The following PHACTR2 variants were observed in gnomAD, a reference collection of about 807,000 sequenced individuals.
PHACTR2 encodes the protein phosphatase and actin regulator 2.
A neutral mutation model predicts 76.0 loss-of-function variants in PHACTR2; 30 were observed. The observed-to-expected ratio is 0.39, with a 90% CI of 0.30 to 0.54. The LOEUF (loss-of-function observed/expected upper bound fraction) is 0.54. Among genes scored for constraint, PHACTR2 ranks in the 20% least tolerant of loss-of-function variants. The pLI is 0.61. For missense variants in PHACTR2, 696 were observed against 781.1 expected (o/e 0.89, Z 1.30); for synonymous variants, 292 against 292.5 (o/e 1.00, Z 0.02).
Position 143,753,791 on chromosome 6 carries a change from G to A in PHACTR2, c.333G>A (p.Gly111=), listed in dbSNP as rs747685580. The change falls in exon 4 of 13, where the codon GGG becomes GGA. Residue 111 remains glycine, a synonymous_variant. Coordinates refer to ENST00000440869, the MANE Select transcript of PHACTR2 (RefSeq NM_001100164.2). This position sits in a 1 kb window ranked among gnomAD's most constrained non-coding sequence, Gnocchi z 4.6. ...DVTVNFENSN[G]HMIPIGEEST... ...CAGTTAACTTTGAAAATTCAAACGGGCACATGATACCCATCGGAGAGGAAT... is the reference window on the plus strand; with the variant it reads ...CAGTTAACTTTGAAAATTCAAACGGACACATGATACCCATCGGAGAGGAAT... The A allele has an allele frequency of 1.9e-6, 3 of 1,605,880 alleles. No individual in the cohort carries two copies. The Admixed American group carries it at 5.2e-5, about 28-fold the overall frequency.
rs1775743812 is a variant in PHACTR2 at position 143,595,792 on chromosome 6, A to G, written c.217+58585A>G. Among the ~76,000 whole-genome samples the G allele has an allele frequency of 6.6e-6, 1 of 152,240 alleles. No homozygotes were observed. Among genetic ancestry groups the G allele is most frequent in the Non-Finnish European group, 1.5e-5 (1 of 68,046 alleles). Reference sequence around the variant, plus strand: ...ATAAAGAATGTTACCAGAATGTTCTACTTAATTTAGCTTTCCAAAGATAAA... The same window carrying G: ...ATAAAGAATGTTACCAGAATGTTCTGCTTAATTTAGCTTTCCAAAGATAAA... On this transcript the variant is annotated intron_variant, in intron 1 of 11. Coordinates refer to the PHACTR2 transcript ENST00000367584. This position sits in a 1 kb window ranked among gnomAD's most constrained non-coding sequence, Gnocchi z 4.2.
chr6:143,609,345 ACT>A (rs1775940379), intron 1 of PHACTR2, among the ~76,000 whole-genome samples: 1 of 152,204 alleles, frequency 6.6e-6, no homozygotes, highest in African/African-American at 2.4e-5. Context: ...CAGGAACAAA[ACT>A]CTGTGACTAA....
rs1775964838 is a variant in PHACTR2, at chr6:143,610,941, A to C, written c.13+2619A>C. Among the ~76,000 whole-genome samples the C allele has an allele frequency of 6.6e-6, 1 of 152,152 alleles. No homozygotes were observed. The highest frequency in any genetic ancestry group is 1.5e-5 in the Non-Finnish European group (1 of 68,020). ...GGCTATTTCTTCTTAGAAGTTATAT[A>C]ACAAGTCAAATAGATGGTGCTTTAG... On this transcript the variant is annotated intron_variant, in intron 1 of 11. Coordinates refer to the PHACTR2 transcript ENST00000305766. The surrounding 1 kb of genome is among the most constrained non-coding windows in gnomAD (Gnocchi z 4.9).
At chr6:143,686,068 G>T (rs1372741415) in intron 1 of PHACTR2, among the ~76,000 whole-genome samples, 2 of 150,532 alleles carry the variant, frequency 1.3e-5, no homozygotes, top group Admixed American at 6.6e-5. Context: ...GGAGGCGAAG[G>T]TTGTAGTGAG....
intron 12 of PHACTR2, among the ~76,000 whole-genome samples, chr6:143,808,864 C>A (rs1776117955): frequency 6.6e-6 from 1 of 152,094 alleles, no homozygotes; most frequent in East Asian, 1.9e-4. Context: ...CATTTTTGTC[C>A]CCCTCTTTTC....
At chr6:143,545,093 G>A (rs1774960976) in intron 1 of PHACTR2, among the ~76,000 whole-genome samples, 1 of 152,058 alleles carries the variant, frequency 6.6e-6, no homozygotes, top group Non-Finnish European at 1.5e-5. Context: ...ACAGGCATGT[G>A]CCATCATGCC....
rs1360376967 is a variant in PHACTR2 at position 143,652,059 on chromosome 6, G to A, written c.13+43737G>A. Among the ~76,000 whole-genome samples the A allele has an allele frequency of 4.1e-5, 5 of 120,498 alleles. No individual in the cohort carries two copies. The highest frequency in any genetic ancestry group is 1.7e-4 in the African/African-American group (5 of 30,264). The allele number at this position is 120,498 out of a possible 152,430, so 79.1% of individuals were successfully genotyped here. ...CAGCCTGAGAAATTAAAGTTCTGTT[G>A]TTTAAGCAAAAAAAAAAAAAAAGGC... On this transcript the variant is annotated intron_variant, in intron 1 of 11. Transcript: ENST00000305766. The surrounding 1 kb of genome is among the most constrained non-coding windows in gnomAD (Gnocchi z 4.5).
rs1045206193 is a variant in PHACTR2 at position 143,801,504 on chromosome 6, G to A, written c.1846-5553G>A. Among the ~76,000 whole-genome samples, 2 of 152,142 alleles carry A rather than the reference G, an allele frequency of 1.3e-5. No homozygotes were observed. Among genetic ancestry groups the A allele is most frequent in the African/African-American group, 2.4e-5 (1 of 41,428 alleles). ...TTGATCGAAGTGGCTATTGAGGCTT[G>A]TGTATGCTTCACGGAGTTCTCGTAC... On this transcript the variant is annotated intron_variant, in intron 11 of 12. Coordinates refer to ENST00000440869, the MANE Select transcript of PHACTR2 (RefSeq NM_001100164.2). This position sits in a 1 kb window ranked among gnomAD's most constrained non-coding sequence, Gnocchi z 4.6.
In PHACTR2 at chr6:143,733,755, A is replaced by T. The variant is rs912465989; in HGVS notation, c.215-15230A>T. 7.5e-5 allele frequency among the ~76,000 whole-genome samples: 10 copies of T among 133,998 alleles called. No individual in the cohort carries two copies. Among genetic ancestry groups the T allele is most frequent in the African/African-American group, 3.7e-4 (9 of 24,480 alleles). The allele number at this position is 133,998 out of a possible 152,430, so 87.9% of individuals were successfully genotyped here. A position where few individuals can be genotyped will look rare whatever the true frequency, so the allele number is the denominator to read the frequency against. On this transcript the variant is annotated intron_variant, in intron 2 of 12. Transcript: ENST00000440869. This position sits in a 1 kb window ranked among gnomAD's most constrained non-coding sequence, Gnocchi z 4.0. ...AGGTCAATGTGGGAACATCTTTCTC[A>T]GAAAGGAAGTGTGGTGGGGGTTGTA... is the stretch of plus-strand genomic sequence containing the variant.
At chr6:143,717,419 G>C (rs984657520) in intron 2 of PHACTR2, among the ~76,000 whole-genome samples, 1 of 151,984 alleles carries the variant, frequency 6.6e-6, no homozygotes, top group African/African-American at 2.4e-5. Flanking sequence ...AGTATTTAAG[G>C]GCAGAGACTA....
rs1212046184 is a variant in PHACTR2 at position 143,547,935 on chromosome 6, C to T, written c.217+10728C>T. Among the ~76,000 whole-genome samples the T allele has an allele frequency of 6.6e-6, 1 of 152,170 alleles. No homozygotes were observed. ...TCTATCTATCCATCTATCCATTCAT[C>T]ATCCATCATCTATTAATCTATCTAT... is the stretch of plus-strand genomic sequence containing the variant. On this transcript the variant is annotated intron_variant, in intron 1 of 11. Transcript: ENST00000367584. The surrounding 1 kb of genome is among the most constrained non-coding windows in gnomAD (Gnocchi z 4.2).
At chr6:143,661,049 C>T (rs577115411) in intron 1 of PHACTR2, among the ~76,000 whole-genome samples, 4 of 152,238 alleles carry the variant, frequency 2.6e-5, no homozygotes, top group East Asian at 1.9e-4. Context: ...TATCAGTTTT[C>T]AGATACTAGC....
intron 1 of PHACTR2, among the ~76,000 whole-genome samples, chr6:143,565,312 C>T (rs945835029): frequency 1.3e-5 from 2 of 152,136 alleles, no homozygotes; most frequent in Non-Finnish European, 2.9e-5. Flanking sequence ...AAAAGTACAG[C>T]AGCAAGGGAA....
intron 7 of PHACTR2, among the ~76,000 whole-genome samples, chr6:143,773,800 C>T (rs186358764): frequency 7.9e-4 from 121 of 152,330 alleles, no homozygotes; most frequent in African/African-American, 2.4e-3. Flanking sequence ...ACTTTCCAAA[C>T]GATGAAGTGA....
intron 1 of PHACTR2, among the ~76,000 whole-genome samples, chr6:143,560,882 G>GGGGTGTGTGT (rs1467042988): frequency 9.0e-5 from 12 of 133,094 alleles, no homozygotes; most frequent in African/African-American, 3.5e-4. Context: ...AAAGCAGAGG[G>GGGGTGTGTGT]GTGTGTGTGT....
intron 1 of PHACTR2, among the ~76,000 whole-genome samples, chr6:143,560,957 A>G (rs1775263169): frequency 6.9e-6 from 1 of 145,254 alleles, no homozygotes; most frequent in Non-Finnish European, 1.5e-5. Flanking sequence ...GGGTAATGTC[A>G]AGAGTTGACA....
rs546210967 is a variant in PHACTR2 at position 143,625,894 on chromosome 6, T to C, written c.13+17572T>C. Among the ~76,000 whole-genome samples, 55 of 151,890 alleles carry C rather than the reference T, an allele frequency of 3.6e-4. No homozygotes were observed. Among genetic ancestry groups the C allele is most frequent in the African/African-American group, 1.3e-3 (54 of 41,376 alleles). ...AACCATGAAGAAAGGTAAAGCAGAG[T>C]GGTGGGGCAGGGACAACTGAAGAGC... is the stretch of plus-strand genomic sequence containing the variant. On this transcript the variant is annotated intron_variant, in intron 1 of 11. Transcript: ENST00000305766. This position sits in a 1 kb window ranked among gnomAD's most constrained non-coding sequence, Gnocchi z 4.3.
At position 143,537,452 on chromosome 6, in the gene PHACTR2, G is replaced by T. The variant is rs1315472278; in HGVS notation, c.217+245G>T. Among the ~76,000 whole-genome samples the T allele has an allele frequency of 6.6e-6, 1 of 152,186 alleles. No individual in the cohort carries two copies. The highest frequency in any genetic ancestry group is 1.5e-5 in the Non-Finnish European group (1 of 68,018). Reference sequence around the variant, plus strand: ...GACGGCTTGGTGCGCCTTGCGGGGCGAGTGTGCAGCCTGGGTTGGGGTAGG... The same window carrying T: ...GACGGCTTGGTGCGCCTTGCGGGGCTAGTGTGCAGCCTGGGTTGGGGTAGG... On this transcript the variant is annotated intron_variant, in intron 1 of 11. Transcript: ENST00000367584. This position sits in a 1 kb window ranked among gnomAD's most constrained non-coding sequence, Gnocchi z 4.4.
At position 143,820,355 on chromosome 6, in the gene PHACTR2, A is replaced by AAG. The variant is rs565808708; in HGVS notation, c.1923-3319_1923-3318insAG. Among the ~76,000 whole-genome samples the AAG allele has an allele frequency of 5.8e-4, 89 of 152,360 alleles. No homozygotes were observed. Among genetic ancestry groups the AAG allele is most frequent in the South Asian group, 3.3e-3 (16 of 4,830 alleles). On this transcript the variant is annotated intron_variant, in intron 12 of 12. Coordinates refer to ENST00000440869, the MANE Select transcript of PHACTR2 (RefSeq NM_001100164.2). This position sits in a 1 kb window ranked among gnomAD's most constrained non-coding sequence, Gnocchi z 4.2. ...ATCTGAAAAAAGGCAAATCCTTTCCACCTATGATCCTGTAAAATAAAAAAC... is the reference window on the plus strand; with the variant it reads ...ATCTGAAAAAAGGCAAATCCTTTCCAAGCCTATGATCCTGTAAAATAAAAAAC...
Sources: gnomAD v4.1 joint callset for allele counts (sites outside exome capture counted in the v4.1 genomes callset) on GRCh38, gnomAD v4.1.1 for gene constraint, Gnocchi (gnomAD v3.1) non-coding constraint, MANE v1.5 for transcripts, NCBI Gene and HGNC (gene_info 2026-07-23, HGNC 2026-07-21) for gene names.